The following POF1B variants were observed in gnomAD, a reference collection of about 807,000 sequenced individuals.
The protein encoded by POF1B is protein POF1B.
A neutral mutation model predicts 55.3 loss-of-function variants in POF1B; 53 were observed. The observed-to-expected ratio is 0.96, with a 90% CI of 0.77 to 1.20. POF1B has a LOEUF of 1.20. Ranked by LOEUF, POF1B falls within the 50% of genes most tolerant of loss-of-function variation. The pLI, the probability that POF1B is intolerant of heterozygous loss-of-function variation, is 0.00. For synonymous variants in POF1B, 188 were observed against 148.3 expected (o/e 1.27, Z -1.95); for missense variants, 478 against 420.5 (o/e 1.14, Z -1.20).
intron 11 of POF1B, 51 bp downstream of exon 11, chrX:85,307,112 C>T (rs363776): frequency 0.13 from 121,452 of 901,813 alleles, 6,305 homozygotes; most frequent in South Asian, 0.18. Context: ...AGTAATTGTG[C>T]ATATGAAAAG....
At chrX:85,344,447 G>GT (rs957320300) in intron 6 of POF1B, among the ~76,000 whole-genome samples, 1 of 110,956 alleles carries the variant, frequency 9.0e-6, no homozygotes, top group African/African-American at 3.3e-5. Context: ...AAAGTGTGTT[G>GT]TTTTTTCCTC....
At chrX:85,302,707 G>A (rs1932485154) in intron 15 of POF1B, among the ~76,000 whole-genome samples, 1 of 111,729 alleles carries the variant, frequency 9.0e-6, no homozygotes, top group East Asian at 2.8e-4. Flanking sequence ...TAAATAAAAT[G>A]TATATCCATA....
chrX:85,355,202 T>TG (rs1285287162), intron 4 of POF1B, among the ~76,000 whole-genome samples: 1 of 111,493 alleles, frequency 9.0e-6, no homozygotes, highest in African/African-American at 3.3e-5. Context: ...AAACAAGCAA[T>TG]GGGGAAAGGA....
Position 85,277,795 on chromosome X carries a change from C to T in POF1B, c.*1626G>A, listed in dbSNP as rs16980188. On this transcript the variant is annotated 3_prime_UTR_variant, in exon 17 of 17. Coordinates refer to ENST00000262753, the MANE Select transcript of POF1B (RefSeq NM_024921.4). The stretch of plus-strand genomic sequence containing the variant: ...TTTTAAGTATTTTGGAAAACTCACA[C>T]CTGTTCTCATTTTTAAACCTTAATA... 23,738 of 110,072 alleles carry T rather than the reference C, an allele frequency of 0.22. 2,435 individuals are homozygous for T. Among genetic ancestry groups the T allele is most frequent in the African/African-American group, 0.4 (12,111 of 30,204 alleles). 9.1% of individuals were successfully genotyped at this position (110,072 alleles called of 1,213,427 possible).
intron 4 of POF1B, among the ~76,000 whole-genome samples, chrX:85,353,478 G>A (rs147173583): frequency 2.2e-3 from 245 of 110,478 alleles, no homozygotes; most frequent in African/African-American, 7.4e-3. Flanking sequence ...TCTACTACAC[G>A]GTACCAAAAA....
intron 15 of POF1B, among the ~76,000 whole-genome samples, chrX:85,288,176 C>T (rs1450836066): frequency 1.8e-5 from 2 of 111,128 alleles, no homozygotes; most frequent in Non-Finnish European, 3.8e-5. Flanking sequence ...AACTACTAAA[C>T]CTTGTTAAGA....
At chrX:85,341,636 G>C (rs987621755) in intron 6 of POF1B, among the ~76,000 whole-genome samples, 1 of 110,364 alleles carries the variant, frequency 9.1e-6, no homozygotes, top group African/African-American at 3.3e-5. Context: ...TTTCAATAAT[G>C]GGATTGAAGA....
chrX:85,279,323 T>C lies in POF1B; in HGVS notation c.*98A>G, dbSNP rs1569275890. On this transcript the variant is annotated 3_prime_UTR_variant, in exon 17 of 17. Coordinates refer to ENST00000262753, the MANE Select transcript of POF1B (RefSeq NM_024921.4). ...GTAGCAGCATGGTTCCAAATTCTGA[T>C]TGGCCTTTAGTGATGGAAAAATAAC... The C allele has an allele frequency of 1.4e-5, 12 of 870,898 alleles. No homozygotes were observed. Among genetic ancestry groups the C allele is most frequent in the African/African-American group, 2.0e-5 (1 of 49,515 alleles). The allele number at this position is 870,898 out of a possible 1,213,427, so 71.8% of individuals were successfully genotyped here.
chrX:85,356,563 C>G lies in POF1B; in HGVS notation c.438+2987G>C, dbSNP rs143264195. Among the ~76,000 whole-genome samples, 859 of 110,110 alleles carry G rather than the reference C, an allele frequency of 7.8e-3. 3 individuals carry two copies. Among genetic ancestry groups the G allele is most frequent in the Non-Finnish European group, 0.013 (678 of 52,540 alleles). Reference sequence around the variant, plus strand: ...GAAATGTCTTACTGAAAAAAAAAACCTCCAAATTTAGAGGACAATTACTTT... The same window carrying G: ...GAAATGTCTTACTGAAAAAAAAAACGTCCAAATTTAGAGGACAATTACTTT... On this transcript the variant is annotated intron_variant, in intron 4 of 16. Coordinates refer to ENST00000262753, the MANE Select transcript of POF1B (RefSeq NM_024921.4).
intron 7 of POF1B, among the ~76,000 whole-genome samples, chrX:85,326,869 C>G (rs1459069229): frequency 2.7e-5 from 3 of 110,055 alleles, no homozygotes; most frequent in Non-Finnish European, 5.7e-5. Context: ...AGGAGGCACC[C>G]CACCTGGGCA....
chrX:85,348,128 AACACTG>A (rs1242419861), intron 5 of POF1B, among the ~76,000 whole-genome samples: 2 of 111,299 alleles, frequency 1.8e-5, no homozygotes, highest in African/African-American at 6.5e-5. Context: ...TCTTGAATAG[AACACTG>A]ACATTCCCAT....
Position 85,282,167 on chromosome X carries a change from G to A in POF1B, c.1764+36C>T, listed in dbSNP as rs186842767. Reference sequence around the variant, plus strand: ...AATTTTAAAAGGCTGTACATATATCGTCAAAATAGGGCTAAAAATGCCCAA... The same window carrying A: ...AATTTTAAAAGGCTGTACATATATCATCAAAATAGGGCTAAAAATGCCCAA... On this transcript the variant is annotated intron_variant, in intron 16 of 16. Transcript: ENST00000262753. The A allele has an allele frequency of 6.1e-4, 708 of 1,159,707 alleles. 4 individuals are homozygous for A. The African/African-American group carries it at 9.5e-3, about 16-fold the overall frequency.
intron 15 of POF1B, among the ~76,000 whole-genome samples, chrX:85,299,449 T>C (rs111538921): frequency 0.18 from 18,915 of 102,850 alleles, 2,146 homozygotes; most frequent in African/African-American, 0.35. Context: ...CTACCACGCC[T>C]GGCTAATTTT....
intron 4 of POF1B, 117 bp from the exon 5 acceptor site, chrX:85,351,568 A>T (rs1408318129): frequency 4.2e-6 from 2 of 472,937 alleles, no homozygotes; most frequent in Non-Finnish European, 7.2e-6. Flanking sequence ...CCTTAGGAAG[A>T]GAGAGGAATG....
rs975558909 is a variant in POF1B at position 85,303,389 on chromosome X, A to T, written c.1649+17T>A. 9.6e-6 allele frequency: 10 copies of T among 1,040,934 alleles called. No homozygotes were observed. The highest frequency in any genetic ancestry group is 1.3e-5 in the Non-Finnish European group (10 of 758,540). 85.8% of individuals were successfully genotyped at this position (1,040,934 alleles called of 1,213,427 possible). The stretch of plus-strand genomic sequence containing the variant: ...ATCATAATTTTTATATTCAAATTTC[A>T]TTTAAAAATACATTACTTTTTAGTG... On this transcript the variant is annotated intron_variant, in intron 15 of 16. Coordinates refer to ENST00000262753, the MANE Select transcript of POF1B (RefSeq NM_024921.4).
chrX:85,321,729 A>G (rs745558624), intron 7 of POF1B, among the ~76,000 whole-genome samples: 2 of 100,160 alleles, frequency 2.0e-5, no homozygotes, highest in Non-Finnish European at 4.0e-5. Flanking sequence ...TAAGCTGATA[A>G]GCAACTTCAG....
intron 4 of POF1B, among the ~76,000 whole-genome samples, chrX:85,356,456 TAAAAAAAGAA>T (rs1264161896): frequency 4.8e-5 from 5 of 103,771 alleles, no homozygotes; most frequent in East Asian, 3.0e-4. Flanking sequence ...TAAAGTATAA[TAAAAAAAGAA>T]AAAAAAAGAA....
Position 85,302,425 on chromosome X carries a change from G to A in POF1B, c.1649+981C>T, listed in dbSNP as rs767967228. Among the ~76,000 whole-genome samples the A allele has an allele frequency of 1.5e-3, 171 of 111,547 alleles. 1 individual carries two copies. Among genetic ancestry groups the A allele is most frequent in the African/African-American group, 5.4e-3 (167 of 30,786 alleles). ...ACCACCTAGGATGGCCATAATCCAA[G>A]AGATGAACAATAACAAATGGCAACG... On this transcript the variant is annotated intron_variant, in intron 15 of 16. Coordinates refer to ENST00000262753, the MANE Select transcript of POF1B (RefSeq NM_024921.4).
At chrX:85,342,565 A>C (rs1255408149) in intron 6 of POF1B, among the ~76,000 whole-genome samples, 1 of 111,476 alleles carries the variant, frequency 9.0e-6, no homozygotes, top group African/African-American at 3.3e-5. Flanking sequence ...GAGATGTAGA[A>C]ACTGAGGTTC....
Sources: allele counts gnomAD v4.1 joint callset (sites outside exome capture counted in the v4.1 genomes callset), GRCh38; gene constraint gnomAD v4.1.1; transcripts MANE v1.5; gene names NCBI Gene and HGNC (gene_info 2026-07-23, HGNC 2026-07-21).